The following DACH2 variants were observed in gnomAD, a reference collection of about 807,000 sequenced individuals.
The protein encoded by DACH2 is dachshund homolog 2.
Under a neutral mutation model 35.8 loss-of-function variants are expected in DACH2, and 17 were observed. That is an observed-to-expected ratio of 0.48 (90% confidence interval 0.33 to 0.71). The LOEUF (loss-of-function observed/expected upper bound fraction) is 0.71, where lower values mean the gene tolerates loss of function less well. DACH2 is among the 30% of genes least tolerant of loss of function. The pLI, the probability that DACH2 is intolerant of heterozygous loss-of-function variation, is 0.02. For missense variants in DACH2, 469 were observed against 472.7 expected (o/e 0.99, Z 0.07); for synonymous variants, 195 against 177.3 (o/e 1.10, Z -0.79).
chrX:86,736,609 A>G (rs187446799), intron 6 of DACH2, among the ~76,000 whole-genome samples: 34 of 111,199 alleles, frequency 3.1e-4, no homozygotes, highest in African/African-American at 9.8e-4. Flanking sequence ...TTTACTCATA[A>G]TGAGCATTCA....
chrX:86,197,868 A>G (rs1161739602), intron 1 of DACH2, among the ~76,000 whole-genome samples: 1 of 111,807 alleles, frequency 8.9e-6, no homozygotes, highest in Non-Finnish European at 1.9e-5. Flanking sequence ...ACAGAAAATT[A>G]ACAAAGATAT....
chrX:86,260,357 C>G (rs776633347), intron 1 of DACH2, among the ~76,000 whole-genome samples: 1 of 111,278 alleles, frequency 9.0e-6, no homozygotes, highest in Non-Finnish European at 1.9e-5. Flanking sequence ...AGAACCTCCT[C>G]TATGTAAAGA....
chrX:86,436,122 A>T (rs1344366423), intron 2 of DACH2, among the ~76,000 whole-genome samples: 1 of 111,189 alleles, frequency 9.0e-6, no homozygotes, highest in East Asian at 2.8e-4. Context: ...ATTATGAAAT[A>T]TGAGCAGTTC....
intron 1 of DACH2, among the ~76,000 whole-genome samples, chrX:86,322,685 G>A (rs2035037847): frequency 8.9e-6 from 1 of 112,389 alleles, no homozygotes. Context: ...TGTAACAGTT[G>A]CATTTGAGCA....
intron 1 of DACH2, among the ~76,000 whole-genome samples, chrX:86,210,549 C>A (rs1442935728): frequency 9.0e-6 from 1 of 111,526 alleles, no homozygotes; most frequent in Non-Finnish European, 1.9e-5. Context: ...TTTAAGATTT[C>A]TTTGATAGTG....
intron 1 of DACH2, among the ~76,000 whole-genome samples, chrX:86,310,216 T>A (rs1477299322): frequency 1.8e-5 from 2 of 112,158 alleles, no homozygotes; most frequent in African/African-American, 6.5e-5. Flanking sequence ...TTCTGACCCA[T>A]CTAGCCATAA....
chrX:86,444,457 G>C (rs1442315790), intron 2 of DACH2, among the ~76,000 whole-genome samples: 3 of 111,524 alleles, frequency 2.7e-5, no homozygotes, highest in Non-Finnish European at 5.6e-5. Flanking sequence ...TTCTCTGATA[G>C]TAAACCTTTT....
At chrX:86,642,498 A>T (rs1015893992) in intron 3 of DACH2, among the ~76,000 whole-genome samples, 5 of 111,668 alleles carry the variant, frequency 4.5e-5, no homozygotes, top group Non-Finnish European at 9.4e-5. Flanking sequence ...ACTCCCACAG[A>T]ATAAGAGTGG....
At chrX:86,676,578 C>A (rs1041435151) in intron 4 of DACH2, among the ~76,000 whole-genome samples, 3 of 111,573 alleles carry the variant, frequency 2.7e-5, no homozygotes, top group African/African-American at 9.8e-5. Context: ...GATTGAGGAA[C>A]TGAATTTTTC....
chrX:86,345,221 T>C (rs1304936157), intron 1 of DACH2, among the ~76,000 whole-genome samples: 1 of 112,150 alleles, frequency 8.9e-6, no homozygotes, highest in East Asian at 2.8e-4. Context: ...CTGTGGTTTC[T>C]TTATCCTTAT....
At chrX:86,474,492 G>T (rs1311368374) in intron 2 of DACH2, among the ~76,000 whole-genome samples, 1 of 111,720 alleles carries the variant, frequency 9.0e-6, no homozygotes, top group Admixed American at 9.5e-5. Flanking sequence ...TATAGTTTGA[G>T]GTCTTAGATT....
intron 7 of DACH2, among the ~76,000 whole-genome samples, chrX:86,761,808 G>A (rs1212438032): frequency 9.1e-6 from 1 of 110,204 alleles, no homozygotes; most frequent in Non-Finnish European, 1.9e-5. Context: ...GTGTTGGCAG[G>A]AGTAAGTCAT....
At position 86,810,864 on chromosome X, in the gene DACH2, T is replaced by G. The variant is rs190978393; in HGVS notation, c.1241-1992T>G. On this transcript the variant is annotated intron_variant, in intron 7 of 11. Coordinates refer to ENST00000373125, the MANE Select transcript of DACH2 (RefSeq NM_053281.3). ...ACCACTGACTTTATAAAAAAAAAAG[T>G]AGAGAGGCAAATGTCTTGTAAGAGT... 8.4e-3 allele frequency among the ~76,000 whole-genome samples: 933 copies of G among 110,924 alleles called. 3 individuals are homozygous for G. The highest frequency in any genetic ancestry group is 0.018 in the South Asian group (49 of 2,683).
intron 1 of DACH2, among the ~76,000 whole-genome samples, chrX:86,327,890 C>A (rs1283009502): frequency 1.8e-5 from 2 of 111,414 alleles, no homozygotes; most frequent in Admixed American, 1.9e-4. Context: ...ATATCTGGAA[C>A]AAGTCTTTCT....
At chrX:86,380,060 A>C (rs1256385348) in intron 2 of DACH2, among the ~76,000 whole-genome samples, 1 of 111,372 alleles carries the variant, frequency 9.0e-6, no homozygotes, top group Non-Finnish European at 1.9e-5. Flanking sequence ...ATAGACATAT[A>C]AATAAGATAA....
At chrX:86,213,504 A>T (rs1331049272) in intron 1 of DACH2, among the ~76,000 whole-genome samples, 2 of 111,443 alleles carry the variant, frequency 1.8e-5, no homozygotes, top group Non-Finnish European at 3.8e-5. Flanking sequence ...AACTTAAATT[A>T]TCTATTTTTA....
intron 3 of DACH2, among the ~76,000 whole-genome samples, chrX:86,549,809 T>C (rs780906815): frequency 7.6e-4 from 85 of 111,845 alleles, no homozygotes; most frequent in African/African-American, 2.5e-3. Context: ...TGATTAATTT[T>C]AACTTTCACT....
chrX:86,478,311 C>T (rs1318556001), intron 2 of DACH2, among the ~76,000 whole-genome samples: 3 of 111,097 alleles, frequency 2.7e-5, no homozygotes, highest in Non-Finnish European at 5.7e-5. Flanking sequence ...AATCCCTCAG[C>T]TTTTGTTTGT....
At chrX:86,326,205 G>A (rs1008412133) in intron 1 of DACH2, among the ~76,000 whole-genome samples, 4 of 110,532 alleles carry the variant, frequency 3.6e-5, no homozygotes, top group Non-Finnish European at 5.7e-5. Flanking sequence ...GGCTGGGTGC[G>A]GTGGCTCACG....
Sources: allele counts gnomAD v4.1 joint callset (sites outside exome capture counted in the v4.1 genomes callset), GRCh38; gene constraint gnomAD v4.1.1; transcripts MANE v1.5; gene names NCBI Gene and HGNC (gene_info 2026-07-23, HGNC 2026-07-21).